The following GALNTL6 variants were observed in gnomAD, a reference collection of about 807,000 sequenced individuals.
The protein encoded by GALNTL6 is polypeptide N-acetylgalactosaminyltransferase-like 6.
Under a neutral mutation model 73.7 loss-of-function variants are expected in GALNTL6, and 46 were observed. That is an observed-to-expected ratio of 0.62 (90% CI 0.49 to 0.80). GALNTL6 has a LOEUF of 0.80. Ranked by LOEUF, GALNTL6 falls within the 30% of genes least tolerant of loss-of-function variation. GALNTL6 has a pLI of 0.00. For missense variants in GALNTL6, 604 were observed against 755.0 expected (o/e 0.80, Z 2.34); for synonymous variants, 259 against 263.7 (o/e 0.98, Z 0.17).
intron 10 of GALNTL6, among the ~76,000 whole-genome samples, chr4:172,984,948 C>T (rs1172874625): frequency 6.6e-6 from 1 of 151,978 alleles, no homozygotes; most frequent in African/African-American, 2.4e-5. Flanking sequence ...GCTGTGTTAA[C>T]CCTAACAAAA....
At position 172,980,259 on chromosome 4, in the gene GALNTL6, G is replaced by T. The variant is rs141015101; in HGVS notation, c.1371+28001G>T. Among the ~76,000 whole-genome samples, 1,332 of 152,278 alleles carry T rather than the reference G, an allele frequency of 8.7e-3. 20 individuals are homozygous for T. Among genetic ancestry groups the T allele is most frequent in the African/African-American group, 0.03 (1,261 of 41,554 alleles). ...AATCACTACCAAATAGGCACTGTATGATACTTTTGTATTATATATAGACCT... is the reference window on the plus strand; with the variant it reads ...AATCACTACCAAATAGGCACTGTATTATACTTTTGTATTATATATAGACCT... On this transcript the variant is annotated intron_variant, in intron 10 of 12. Coordinates refer to ENST00000506823, the MANE Select transcript of GALNTL6 (RefSeq NM_001034845.3).
At chr4:171,991,151 G>T (rs1450154794) in intron 2 of GALNTL6, among the ~76,000 whole-genome samples, 13 of 152,062 alleles carry the variant, frequency 8.5e-5, no homozygotes, top group Admixed American at 8.5e-4. Flanking sequence ...GTAATTAAAA[G>T]AAACATTTCT....
At chr4:172,153,640 G>C (rs1036185279) in intron 2 of GALNTL6, among the ~76,000 whole-genome samples, 4 of 152,052 alleles carry the variant, frequency 2.6e-5, no homozygotes, top group African/African-American at 9.7e-5. Context: ...AAATTGCCAC[G>C]CTGGTTTGTC....
At chr4:172,580,078 A>G (rs539682812) in intron 5 of GALNTL6, among the ~76,000 whole-genome samples, 3 of 152,326 alleles carry the variant, frequency 2.0e-5, no homozygotes, top group Non-Finnish European at 4.4e-5. Context: ...GAATAATTAT[A>G]TATTAAATGA....
chr4:172,066,479 G>C (rs1205944064), intron 2 of GALNTL6, among the ~76,000 whole-genome samples: 1 of 150,100 alleles, frequency 6.7e-6, no homozygotes, highest in Non-Finnish European at 1.5e-5. Context: ...CTTTGCTTGT[G>C]AGGCTATAGT....
intron 10 of GALNTL6, among the ~76,000 whole-genome samples, chr4:173,008,306 T>G (rs1752387594): frequency 6.6e-6 from 1 of 152,208 alleles, no homozygotes. Flanking sequence ...AGATAATAAA[T>G]TCCAAATTAA....
At chr4:171,900,740 G>T (rs1269987383) in intron 2 of GALNTL6, among the ~76,000 whole-genome samples, 1 of 152,014 alleles carries the variant, frequency 6.6e-6, no homozygotes, top group Non-Finnish European at 1.5e-5. Flanking sequence ...AATGAAACAA[G>T]AAAACAATCA....
At chr4:172,033,269 C>T (rs1001910142) in intron 2 of GALNTL6, among the ~76,000 whole-genome samples, 3 of 151,994 alleles carry the variant, frequency 2.0e-5, no homozygotes, top group African/African-American at 7.2e-5. Flanking sequence ...CCTATAAAAG[C>T]ACATTTGTCA....
At chr4:172,821,280 C>CTTCA (rs973126084) in intron 7 of GALNTL6, among the ~76,000 whole-genome samples, 1 of 152,166 alleles carries the variant, frequency 6.6e-6, no homozygotes, top group East Asian at 1.9e-4. Flanking sequence ...AAATCAATGC[C>CTTCA]TTCATTCATT....
At chr4:172,412,570 G>GT (rs1333385629) in intron 5 of GALNTL6, among the ~76,000 whole-genome samples, 6 of 152,096 alleles carry the variant, frequency 3.9e-5, no homozygotes, top group Non-Finnish European at 1.5e-5. Flanking sequence ...CCTTAGATAG[G>GT]TTTTTTAGAG....
At chr4:172,274,957 T>C (rs907174274) in intron 3 of GALNTL6, among the ~76,000 whole-genome samples, 1 of 152,062 alleles carries the variant, frequency 6.6e-6, no homozygotes, top group African/African-American at 2.4e-5. Context: ...CGTAGTAAAA[T>C]TGAGATTACC....
chr4:172,464,937 C>A (rs1011406044), intron 5 of GALNTL6, among the ~76,000 whole-genome samples: 1 of 151,944 alleles, frequency 6.6e-6, no homozygotes, highest in Non-Finnish European at 1.5e-5. Flanking sequence ...AATGTGTGTT[C>A]TTCAACACTT....
chr4:172,528,326 A>ATG (rs1735036690), intron 5 of GALNTL6, among the ~76,000 whole-genome samples: 1 of 13,402 alleles, frequency 7.5e-5, no homozygotes, highest in East Asian at 1.3e-3. Flanking sequence ...TAAAATATAT[A>ATG]TATATATATA....
rs1201129854 is a variant in GALNTL6, at chr4:171,876,389, G to A, written c.138+61671G>A. Reference sequence around the variant, plus strand: ...CTATACAAATCTTTTCAAATAATAAGTACTACAAATAAAAGATAAATGTCA... The same window carrying A: ...CTATACAAATCTTTTCAAATAATAAATACTACAAATAAAAGATAAATGTCA... On this transcript the variant is annotated intron_variant, in intron 2 of 12. Coordinates refer to ENST00000506823, the MANE Select transcript of GALNTL6 (RefSeq NM_001034845.3). 2.6e-5 allele frequency among the ~76,000 whole-genome samples: 4 copies of A among 152,206 alleles called. No individual in the cohort carries two copies. The South Asian group carries it at 6.2e-4, about 24-fold the overall frequency.
chr4:172,075,158 G>A (rs541073333), intron 2 of GALNTL6, among the ~76,000 whole-genome samples: 28 of 152,016 alleles, frequency 1.8e-4, no homozygotes, highest in African/African-American at 6.5e-4. Flanking sequence ...TGTATTTATT[G>A]TTTCATTTAT....
chr4:172,844,950 T>G (rs1039225453), intron 7 of GALNTL6, among the ~76,000 whole-genome samples: 6 of 151,896 alleles, frequency 4.0e-5, no homozygotes, highest in Admixed American at 3.9e-4. Context: ...GCGCGGTGGC[T>G]CACACCTGTA....
chr4:172,805,879 A>G (rs1465402833), intron 5 of GALNTL6, among the ~76,000 whole-genome samples: 1 of 152,148 alleles, frequency 6.6e-6, no homozygotes, highest in Non-Finnish European at 1.5e-5. Flanking sequence ...GCAACTGACC[A>G]TGGGTTAATG....
intron 2 of GALNTL6, among the ~76,000 whole-genome samples, chr4:171,996,907 T>G (rs534443293): frequency 2.3e-3 from 354 of 152,206 alleles, no homozygotes; most frequent in Non-Finnish European, 2.5e-3. Context: ...TAATTACTAG[T>G]GAAGTTTATA....
chr4:171,948,469 A>G (rs1738769732), intron 2 of GALNTL6, among the ~76,000 whole-genome samples: 2 of 152,182 alleles, frequency 1.3e-5, no homozygotes, highest in African/African-American at 4.8e-5. Context: ...ACTTCTGTGT[A>G]ATTTAGGCTT....
Sources: allele counts gnomAD v4.1 joint callset (sites outside exome capture counted in the v4.1 genomes callset), GRCh38; gene constraint gnomAD v4.1.1; transcripts MANE v1.5; gene names NCBI Gene and HGNC (gene_info 2026-07-23, HGNC 2026-07-21).